The following AZGP1 variants were observed in gnomAD, a reference collection of about 807,000 sequenced individuals.
The protein encoded by AZGP1 is zinc-alpha-2-glycoprotein.
In AZGP1, 28 loss-of-function variants were observed where a neutral mutation model predicts 31.5. That is an observed-to-expected ratio of 0.89 (90% CI 0.66 to 1.22). AZGP1 has a LOEUF of 1.22. Ranked by LOEUF, AZGP1 falls within the 50% of genes most tolerant of loss-of-function variation. AZGP1 has a pLI of 0.00. For missense variants in AZGP1, 361 were observed against 371.8 expected, an observed-to-expected ratio of 0.97 and a Z score of 0.24; for synonymous variants, 135 against 145.4, an observed-to-expected ratio of 0.93 and a Z score of 0.51.
Position 99,966,895 on chromosome 7 carries a change from C to T in AZGP1, c.*108G>A, listed in dbSNP as rs1471702128. ...CTGTCTGTCCCCCCACACTGCTCCT[C>T]AGGCCTTGTGGATCCATTGACTGTG... On this transcript the variant is annotated 3_prime_UTR_variant, in exon 4 of 4. Transcript: ENST00000292401. The T allele has an allele frequency of 5.5e-6, 8 of 1,457,258 alleles. No individual in the cohort carries two copies. The South Asian group carries it at 9.2e-5, about 17-fold the overall frequency. 90.3% of individuals were successfully genotyped at this position (1,457,258 alleles called of 1,614,324 possible).
chr7:99,967,911 T>G, intron 3 of AZGP1: 1 of 619,412 alleles, frequency 1.6e-6, no homozygotes, highest in Non-Finnish European at 2.8e-6. Context: ...TTGGAGATGA[T>G]TTGGGGACAC....
At chr7:99,971,462 G>T in intron 2 of AZGP1, 3 of 369,248 alleles carry the variant, frequency 8.1e-6, no homozygotes, top group Non-Finnish European at 9.9e-6. Flanking sequence ...CCGATGGGTG[G>T]GGTGTGGAGG....
intron 3 of AZGP1, 163 bp from the exon 4 acceptor site, chr7:99,967,449 G>C: frequency 1.3e-6 from 1 of 780,074 alleles, no homozygotes; most frequent in East Asian, 2.7e-5. Flanking sequence ...AGGGAAGGCT[G>C]ACGCTTTCCC....
intron 1 of AZGP1, 61 bp from the exon 2 acceptor site, chr7:99,972,067 T>C (rs979943322): frequency 5.2e-6 from 8 of 1,531,842 alleles, no homozygotes; most frequent in African/African-American, 2.8e-5. Flanking sequence ...TGGGGCTGCA[T>C]AGGGCTAGGA....
chr7:99,967,358 C>T (rs1019705563), intron 3 of AZGP1, 72 bp from the exon 4 acceptor site: 3 of 1,511,492 alleles, frequency 2.0e-6, no homozygotes, highest in African/African-American at 2.8e-5. Context: ...TTCCTACCCC[C>T]ACCCCTGGAT....
chr7:99,972,552 C>T (rs1227750906), intron 1 of AZGP1, among the ~76,000 whole-genome samples: 1 of 152,178 alleles, frequency 6.6e-6, no homozygotes, highest in East Asian at 1.9e-4. Context: ...GTGGCTCATG[C>T]CTGTAATCCC....
chr7:99,970,079 C>G (rs1302501448), intron 2 of AZGP1, among the ~76,000 whole-genome samples: 1 of 151,746 alleles, frequency 6.6e-6, no homozygotes. Flanking sequence ...GTTGCCTGAA[C>G]TGGAGCCACT....
intron 1 of AZGP1, among the ~76,000 whole-genome samples, chr7:99,972,593 A>G (rs1046259948): frequency 1.3e-5 from 2 of 152,220 alleles, no homozygotes; most frequent in Non-Finnish European, 2.9e-5. Context: ...CAGGCAGATT[A>G]CTTGAGATCA....
In AZGP1 at chr7:99,967,070, G is replaced by A; in HGVS notation, c.830C>T (p.Pro277Leu). The A allele has an allele frequency of 6.2e-7, 1 of 1,614,186 alleles. No individual in the cohort carries two copies. ...VVAVPPQDTAPYSCHVQHSSL... is the reference protein window; with the variant it reads ...VVAVPPQDTALYSCHVQHSSL... ...GCTGTGCTGCACGTGGCAGGAGTAGGGGGCTGTGTCCTGCGGGGGCACTGC... is the reference window on the plus strand; with the variant it reads ...GCTGTGCTGCACGTGGCAGGAGTAGAGGGCTGTGTCCTGCGGGGGCACTGC... Residue 277 changes from proline (P) to leucine (L), a missense_variant, in exon 4 of 4, where the codon CCC becomes CTC. By Grantham distance (98) the Pro-to-Leu change is moderately conservative. Transcript: ENST00000292401.
intron 2 of AZGP1, chr7:99,971,504 ACT>A: frequency 2.0e-6 from 1 of 510,820 alleles, no homozygotes; most frequent in African/African-American, 2.0e-5. Flanking sequence ...ATAGGAAGTG[ACT>A]CTGCCATCAC....
intron 3 of AZGP1, chr7:99,967,517 G>T: frequency 1.7e-6 from 1 of 580,902 alleles, no homozygotes; most frequent in Non-Finnish European, 3.1e-6. Context: ...AGTTGTGAAT[G>T]CTCCGTGTGC....
rs1212190693 is a variant in AZGP1, at chr7:99,975,975, C to A, written c.46G>T (p.Gly16Cys). 5 of 1,613,904 alleles carry A rather than the reference C, an allele frequency of 3.1e-6. No homozygotes were observed. In the African/African-American group the frequency reaches 6.7e-5, roughly 22 times the overall value. ...TGGTTCTCCTGGGGGACAGCAGGAC[C>A]CAGAAGCAGCAGCAGAGACAGCAGG... ...PVLLSLLLLL[G>C]PAVPQENQDG... Residue 16 changes from glycine to cysteine, a missense_variant, in exon 1 of 4, where the codon GGT becomes TGT. By Grantham distance (159) the Gly-to-Cys change is radical (BLOSUM62 -3). Transcript: ENST00000292401.
chr7:99,973,115 T>G (rs1298516937), intron 1 of AZGP1, among the ~76,000 whole-genome samples: 1 of 85,926 alleles, frequency 1.2e-5, no homozygotes, highest in African/African-American at 3.1e-5. Flanking sequence ...AGGCTCCATC[T>G]CAAAAAAAAA....
chr7:99,968,766 C>T, intron 2 of AZGP1: 2 of 299,020 alleles, frequency 6.7e-6, no homozygotes, highest in Non-Finnish European at 1.2e-5. Context: ...GGTTCCAGAC[C>T]AGCCAGGGTG....
chr7:99,967,969 A>G, intron 3 of AZGP1, 186 bp downstream of exon 3: 1 of 863,358 alleles, frequency 1.2e-6, no homozygotes. Flanking sequence ...TGAAATTTTG[A>G]TGATGTTCTT....
chr7:99,974,381 A>ACC (rs1262553597), intron 1 of AZGP1, among the ~76,000 whole-genome samples: 1 of 152,022 alleles, frequency 6.6e-6, no homozygotes, highest in Non-Finnish European at 1.5e-5. Flanking sequence ...AGGTCAGGAT[A>ACC]TCAAGACTAG....
At chr7:99,975,908 T>C in intron 1 of AZGP1, 37 bp downstream of exon 1, 1 of 1,608,806 alleles carries the variant, frequency 6.2e-7, no homozygotes, top group Non-Finnish European at 8.5e-7. Context: ...CTCCTTCCAG[T>C]CCTCTCCAGC....
At chr7:99,973,819 G>C (rs932775031) in intron 1 of AZGP1, among the ~76,000 whole-genome samples, 11 of 151,936 alleles carry the variant, frequency 7.2e-5, no homozygotes, top group Middle Eastern at 3.4e-3. Flanking sequence ...AGAAGGCTGA[G>C]GCAGGAGAAT....
chr7:99,967,522 G>A (rs1789504520), intron 3 of AZGP1: 2 of 574,848 alleles, frequency 3.5e-6, no homozygotes, highest in Non-Finnish European at 6.2e-6. Flanking sequence ...TGAATGCTCC[G>A]TGTGCTTCTC....
Sources: allele counts gnomAD v4.1 joint callset (sites outside exome capture counted in the v4.1 genomes callset), GRCh38; gene constraint gnomAD v4.1.1; transcripts MANE v1.5; gene names NCBI Gene and HGNC (gene_info 2026-07-23, HGNC 2026-07-21).